Variants in LRRIQ1 observed in about 807,000 individuals in gnomAD.
LRRIQ1 encodes the protein leucine-rich repeat- and IQ domain-containing protein 1.
In LRRIQ1, 210 loss-of-function variants were observed where a neutral mutation model predicts 211.9. The observed-to-expected ratio is 0.99, with a 90% CI of 0.89 to 1.11. LRRIQ1 has a LOEUF of 1.11. LRRIQ1 is among the 50% of genes most tolerant of loss of function. The probability of loss-of-function intolerance (pLI) is 0.00; values close to 1 mark genes in which losing one functional copy is unlikely to be tolerated. For synonymous variants in LRRIQ1, 699 were observed against 650.1 expected, an observed-to-expected ratio of 1.08 and a Z score of -1.14; for missense variants, 2,136 against 1,939.5, an observed-to-expected ratio of 1.10 and a Z score of -1.90.
At chr12:85,109,126 A>G (rs1185501109) in intron 15 of LRRIQ1, among the ~76,000 whole-genome samples, 1 of 152,144 alleles carries the variant, frequency 6.6e-6, no homozygotes, top group African/African-American at 2.4e-5. Context: ...CAGAAGAATT[A>G]AATGTCTGGT....
chr12:85,036,706 C>G (rs962672383), intron 1 of LRRIQ1, among the ~76,000 whole-genome samples: 7 of 151,512 alleles, frequency 4.6e-5, no homozygotes, highest in Admixed American at 4.6e-4. Context: ...CCCTTCTTGT[C>G]GCCCTCCTTT....
At chr12:85,157,609 T>A (rs916595601) in intron 23 of LRRIQ1, among the ~76,000 whole-genome samples, 3 of 151,998 alleles carry the variant, frequency 2.0e-5, no homozygotes, top group African/African-American at 7.2e-5. Context: ...AAGAAGATCC[T>A]GTGTAAGGTG....
chr12:85,130,736 T>G (rs559472272), intron 18 of LRRIQ1, among the ~76,000 whole-genome samples: 33 of 152,168 alleles, frequency 2.2e-4, no homozygotes, highest in African/African-American at 7.9e-4. Flanking sequence ...GGGAGTACAG[T>G]GTGATATAGC....
At chr12:85,088,791 G>A (rs1375787381) in intron 11 of LRRIQ1, among the ~76,000 whole-genome samples, 1 of 152,164 alleles carries the variant, frequency 6.6e-6, no homozygotes, top group African/African-American at 2.4e-5. Context: ...CATTGATTTT[G>A]TATCCTGAGA....
At chr12:85,047,078 C>T (rs1222823428) in intron 5 of LRRIQ1, among the ~76,000 whole-genome samples, 169 bp from the exon 6 acceptor site, 1 of 151,842 alleles carries the variant, frequency 6.6e-6, no homozygotes, top group Non-Finnish European at 1.5e-5. Context: ...GTGCAGCACA[C>T]CAACATGGCA....
intron 17 of LRRIQ1, 127 bp from the exon 18 acceptor site, chr12:85,127,705 G>A: frequency 1.4e-6 from 1 of 727,292 alleles, no homozygotes; most frequent in East Asian, 2.7e-5. Context: ...CAAAAGAAGT[G>A]GTCTTATTTT....
intron 11 of LRRIQ1, among the ~76,000 whole-genome samples, chr12:85,098,071 T>C (rs1886045965): frequency 6.6e-6 from 1 of 152,154 alleles, no homozygotes; most frequent in Non-Finnish European, 1.5e-5. Context: ...TTTGTTCTTA[T>C]TTGAATATAA....
At chr12:85,082,843 G>A (rs1314442846) in intron 11 of LRRIQ1, among the ~76,000 whole-genome samples, 1 of 152,102 alleles carries the variant, frequency 6.6e-6, no homozygotes, top group Non-Finnish European at 1.5e-5. Context: ...TGGAACATAA[G>A]TTTGTGATTA....
At chr12:85,264,121 G>A (rs998150984) in exon 2 of LRRIQ1, 3 of 151,980 alleles carry the variant, frequency 2.0e-5, no homozygotes. Flanking sequence ...CTGAAGTGAT[G>A]TAGAGATACT....
rs572593132 is a variant in LRRIQ1, at chr12:85,077,822, AT to A, written c.2887+4725del. ...CCTCATTTCTACTAAAAATAAAAAAATAAAATAAACAAAAAATAAGCCAGGT... is the reference window on the plus strand; with the variant it reads ...CCTCATTTCTACTAAAAATAAAAAAAAAAATAAACAAAAAATAAGCCAGGT... On this transcript the variant is annotated intron_variant, in intron 11 of 26. Transcript: ENST00000393217. Among the ~76,000 whole-genome samples, 605 of 152,168 alleles carry A rather than the reference AT, an allele frequency of 4.0e-3. 2 individuals carry two copies. Among genetic ancestry groups the A allele is most frequent in the African/African-American group, 0.014 (574 of 41,526 alleles).
At position 85,081,723 on chromosome 12, in the gene LRRIQ1, C is replaced by CTTTTT. The variant is rs766961193; in HGVS notation, c.2887+8641_2887+8645dup. ...TTTATGCCCTTTATTTCTTCTTCTT[C>CTTTTT]TTTTTTTTTTTTTTTTTTTTGAGAC... is the stretch of plus-strand genomic sequence containing the variant. On this transcript the variant is annotated intron_variant, in intron 11 of 26. Transcript: ENST00000393217. Among the ~76,000 whole-genome samples, 245 of 113,390 alleles carry CTTTTT rather than the reference C, an allele frequency of 2.2e-3. 2 individuals carry two copies. Among genetic ancestry groups the CTTTTT allele is most frequent in the African/African-American group, 5.0e-3 (137 of 27,626 alleles). 74.4% of individuals were successfully genotyped at this position (113,390 alleles called of 152,430 possible).
chr12:85,098,770 A>G (rs1886117871), intron 12 of LRRIQ1, 97 bp from the exon 13 acceptor site: 4 of 886,896 alleles, frequency 4.5e-6, no homozygotes, highest in Non-Finnish European at 6.6e-6. Flanking sequence ...ATCAGAATCT[A>G]TCTGTTGTTA....
At chr12:85,240,908 G>A (rs1895429759) in intron 26 of LRRIQ1, among the ~76,000 whole-genome samples, 1 of 151,960 alleles carries the variant, frequency 6.6e-6, no homozygotes, top group Non-Finnish European at 1.5e-5. Context: ...TTGGGAAGAC[G>A]GAATAGATTT....
chr12:85,268,595 A>C (rs1176028857), downstream of LRRIQ1, among the ~76,000 whole-genome samples: 3 of 152,068 alleles, frequency 2.0e-5, no homozygotes, highest in Admixed American at 2.0e-4. Context: ...TTAGCCCCTT[A>C]AATTATATGT....
At chr12:85,128,890 G>A (rs895583160) in intron 18 of LRRIQ1, among the ~76,000 whole-genome samples, 1 of 152,136 alleles carries the variant, frequency 6.6e-6, no homozygotes, top group Non-Finnish European at 1.5e-5. Flanking sequence ...GCACAACATG[G>A]ATGGATTTTC....
intron 11 of LRRIQ1, among the ~76,000 whole-genome samples, chr12:85,089,230 T>A (rs1433005287): frequency 1.3e-5 from 2 of 152,228 alleles, no homozygotes; most frequent in African/African-American, 4.8e-5. Context: ...TCTGTTTATA[T>A]GATGGAGAAG....
chr12:85,181,818 C>A (rs1891993877), intron 24 of LRRIQ1, among the ~76,000 whole-genome samples: 1 of 151,942 alleles, frequency 6.6e-6, no homozygotes, highest in South Asian at 2.1e-4. Context: ...TTATTCTTGG[C>A]AGGAAAAGTT....
intron 1 of LRRIQ1, among the ~76,000 whole-genome samples, chr12:85,036,780 A>G (rs1388340333): frequency 6.6e-6 from 1 of 151,354 alleles, no homozygotes; most frequent in East Asian, 1.9e-4. Flanking sequence ...ATTTATATGA[A>G]CCTTATAAAG....
chr12:85,215,191 T>G (rs1182633466), intron 24 of LRRIQ1, among the ~76,000 whole-genome samples: 2 of 152,148 alleles, frequency 1.3e-5, no homozygotes, highest in African/African-American at 2.4e-5. Flanking sequence ...GAAACTCATA[T>G]TTTGCTAATT....
Sources: gnomAD v4.1 joint callset for allele counts (sites outside exome capture counted in the v4.1 genomes callset) on GRCh38, gnomAD v4.1.1 for gene constraint, MANE v1.5 for transcripts, NCBI Gene and HGNC (gene_info 2026-07-23, HGNC 2026-07-21) for gene names.